ARHGAP15: variants seen among roughly 807,000 people sequenced by gnomAD.
ARHGAP15 encodes the protein Rho GTPase activating protein 15, also known as rho GTPase-activating protein 15.
A neutral mutation model predicts 63.7 loss-of-function variants in ARHGAP15; 51 were observed. The observed-to-expected ratio is 0.80, with a 90% CI of 0.64 to 1.01. ARHGAP15 has a LOEUF of 1.01. ARHGAP15 is among the 50% of genes least tolerant of loss of function. ARHGAP15 has a pLI of 0.00. For missense variants in ARHGAP15, 560 were observed against 564.6 expected (o/e 0.99, Z 0.08); for synonymous variants, 191 against 193.8 (o/e 0.99, Z 0.12).
chr2:143,561,677 G>A (rs1453002324), intron 11 of ARHGAP15, among the ~76,000 whole-genome samples: 1 of 151,500 alleles, frequency 6.6e-6, no homozygotes, highest in Non-Finnish European at 1.5e-5. Flanking sequence ...CACCAAGCTC[G>A]GCTAATATTT....
intron 1 of ARHGAP15, among the ~76,000 whole-genome samples, chr2:143,153,843 T>TTCTTCCTCTTCCTCCTCCTCCTCCTCC (rs1689957969): frequency 1.4e-4 from 12 of 86,890 alleles, no homozygotes; most frequent in South Asian, 4.8e-4. Context: ...CTTCTTCTTC[T>TTCTTCCTCTTCCTCCTCCTCCTCCTCC]TCCTCCTCCT....
At chr2:143,485,421 A>T (rs1037448130) in intron 8 of ARHGAP15, among the ~76,000 whole-genome samples, 1 of 152,224 alleles carries the variant, frequency 6.6e-6, no homozygotes, top group Non-Finnish European at 1.5e-5. Flanking sequence ...GTAGATATGT[A>T]TGAGATTGTG....
chr2:143,297,235 T>C (rs79695835), intron 6 of ARHGAP15, among the ~76,000 whole-genome samples: 3,755 of 152,074 alleles, frequency 0.025, 68 homozygotes, highest in Non-Finnish European at 0.036. Flanking sequence ...CTGAAGTAGT[T>C]TTAACACTAA....
Position 143,130,492 on chromosome 2 carries a change from C to T in ARHGAP15, c.-15+1026C>T, listed in dbSNP as rs368936225. Among the ~76,000 whole-genome samples, 22 of 152,162 alleles carry T rather than the reference C, an allele frequency of 1.4e-4. No homozygotes were observed. The East Asian group carries it at 2.7e-3, about 19-fold the overall frequency. ...GGGAGAAGTGATGGCCCCCACAACA[C>T]CTATTTTTTGTGTTATTAAAAAATG... is the stretch of plus-strand genomic sequence containing the variant. On this transcript the variant is annotated intron_variant, in intron 1 of 13. Transcript: ENST00000295095.
At chr2:143,637,663 G>A (rs964134979) in intron 12 of ARHGAP15, among the ~76,000 whole-genome samples, 6 of 151,752 alleles carry the variant, frequency 4.0e-5, no homozygotes, top group Non-Finnish European at 8.8e-5. Flanking sequence ...AAATTGCAAG[G>A]CCATTTAAAA....
intron 12 of ARHGAP15, among the ~76,000 whole-genome samples, chr2:143,659,615 C>A (rs1681642849): frequency 6.6e-6 from 1 of 152,146 alleles, no homozygotes; most frequent in Non-Finnish European, 1.5e-5. Context: ...AGGACATTCT[C>A]TAGCAGTATC....
At chr2:143,216,051 A>T (rs894295591) in intron 3 of ARHGAP15, among the ~76,000 whole-genome samples, 1 of 152,236 alleles carries the variant, frequency 6.6e-6, no homozygotes, top group Admixed American at 6.5e-5. Context: ...ACTTGGTAAA[A>T]TAAAGGAAGG....
chr2:143,767,621 TTATATA>T (rs1194051557), intron 13 of ARHGAP15, among the ~76,000 whole-genome samples: 1 of 152,158 alleles, frequency 6.6e-6, no homozygotes, highest in Non-Finnish European at 1.5e-5. Context: ...ATTTGGGTTC[TTATATA>T]TATATTTTTT....
At position 143,767,995 on chromosome 2, in the gene ARHGAP15, G is replaced by C. The variant is rs1165903575; in HGVS notation, c.1251G>C (p.Val417=). 1.2e-6 allele frequency: 2 copies of C among 1,613,232 alleles called. No homozygotes were observed. Among genetic ancestry groups the C allele is most frequent in the Admixed American group, 3.3e-5 (2 of 59,952 alleles). ...TTTTTCTCTCTCTCCACAGGATAGTGGCCAAAGCCTCCAAGAACCTCATGT... is the reference window on the plus strand; with the variant it reads ...TTTTTCTCTCTCTCCACAGGATAGTCGCCAAAGCCTCCAAGAACCTCATGT... ...KVLFGHLTKI[V]AKASKNLMST... Residue 417 remains valine, a synonymous_variant, in exon 14 of 14, where the codon GTG becomes GTC. Transcript: ENST00000295095.
chr2:143,735,906 A>G (rs1470301259), intron 13 of ARHGAP15, among the ~76,000 whole-genome samples: 1 of 152,218 alleles, frequency 6.6e-6, no homozygotes, highest in Non-Finnish European at 1.5e-5. Flanking sequence ...TATAATTAGA[A>G]AAGGTTGCCT....
At chr2:143,385,346 CTG>C (rs1277805592) in intron 6 of ARHGAP15, among the ~76,000 whole-genome samples, 1 of 152,160 alleles carries the variant, frequency 6.6e-6, no homozygotes, top group East Asian at 1.9e-4. Context: ...TGTCACTTGA[CTG>C]TAACTCTCAG....
At chr2:143,450,302 A>G (rs1339259618) in intron 8 of ARHGAP15, among the ~76,000 whole-genome samples, 1 of 151,858 alleles carries the variant, frequency 6.6e-6, no homozygotes, top group Non-Finnish European at 1.5e-5. Context: ...ATCACATATG[A>G]GTGGGGTCAT....
At chr2:143,751,614 C>A (rs1216725101) in intron 13 of ARHGAP15, among the ~76,000 whole-genome samples, 3 of 152,180 alleles carry the variant, frequency 2.0e-5, no homozygotes, top group African/African-American at 7.2e-5. Flanking sequence ...CCATCCTCCA[C>A]TCTCTATTCG....
At chr2:143,623,986 G>A (rs1698741539) in intron 11 of ARHGAP15, 147 bp from the exon 12 acceptor site, 1 of 836,148 alleles carries the variant, frequency 1.2e-6, no homozygotes, top group South Asian at 2.3e-5. Context: ...AAAGAGGGAG[G>A]AAAAAAAAAT....
At chr2:143,595,962 AT>A (rs1455677384) in intron 11 of ARHGAP15, among the ~76,000 whole-genome samples, 1 of 152,044 alleles carries the variant, frequency 6.6e-6, no homozygotes, top group African/African-American at 2.4e-5. Flanking sequence ...ATTAGACATT[AT>A]TTTTTATGTA....
chr2:143,745,752 A>G (rs950801276), intron 13 of ARHGAP15, among the ~76,000 whole-genome samples: 1 of 152,164 alleles, frequency 6.6e-6, no homozygotes, highest in Non-Finnish European at 1.5e-5. Context: ...AAGTTACAGG[A>G]AGGAAAAGGT....
chr2:143,319,743 CATCTTT>C (rs568642119), intron 6 of ARHGAP15, among the ~76,000 whole-genome samples: 86 of 152,220 alleles, frequency 5.6e-4, no homozygotes, highest in African/African-American at 2.0e-3. Flanking sequence ...TTAGAAAACT[CATCTTT>C]ATAGGGCCTT....
chr2:143,647,824 T>G (rs187442407), intron 12 of ARHGAP15, among the ~76,000 whole-genome samples: 21 of 152,190 alleles, frequency 1.4e-4, no homozygotes, highest in Admixed American at 1.0e-3. Flanking sequence ...AAGGTATGCC[T>G]TTCACTTAAA....
In ARHGAP15 at chr2:143,392,677, G is replaced by C. The variant is rs978670931; in HGVS notation, c.475-42924G>C. 5.9e-5 allele frequency among the ~76,000 whole-genome samples: 9 copies of C among 152,298 alleles called. No homozygotes were observed. In the East Asian group the frequency reaches 1.3e-3, roughly 23 times the overall value. ...ATCAGCAAGTGAAGTAGAGATGGAT[G>C]AGGTATTGAAGAAACATAAACAGAA... On this transcript the variant is annotated intron_variant, in intron 6 of 13. Transcript: ENST00000295095.
Sources: allele counts gnomAD v4.1 joint callset (sites outside exome capture counted in the v4.1 genomes callset), GRCh38; gene constraint gnomAD v4.1.1; transcripts MANE v1.5; gene names NCBI Gene and HGNC (gene_info 2026-07-23, HGNC 2026-07-21).